SPTBN1: variants seen among roughly 807,000 people sequenced by gnomAD.
The protein encoded by SPTBN1 is spectrin beta, non-erythrocytic 1, also known as spectrin beta chain, non-erythrocytic 1.
SPTBN1 carries 32 observed loss-of-function variants against 266.4 expected under a neutral mutation model. The ratio of observed to expected loss-of-function variants is 0.12; its 90% CI spans 0.09 to 0.16. The LOEUF is 0.16. SPTBN1 is among the 10% of genes least tolerant of loss of function. SPTBN1 has a pLI of 1.00. For synonymous variants in SPTBN1, 1,336 were observed against 1,162.2 expected (o/e 1.15, Z -3.04); for missense variants, 2,296 against 3,067.1 (o/e 0.75, Z 5.94).
chr2:54,649,403 A>G lies in SPTBN1; in HGVS notation c.5203-212A>G, dbSNP rs1339816246. 6.6e-6 allele frequency among the ~76,000 whole-genome samples: 1 copy of G among 152,164 alleles called. No homozygotes were observed. The highest frequency in any genetic ancestry group is 2.4e-5 in the African/African-American group (1 of 41,432). Reference sequence around the variant, plus strand: ...CACCCCTTCCTCCGGTAGTAAAAGGAGGTGGAGGTAGTGCCTCACTCTGCT... The same window carrying G: ...CACCCCTTCCTCCGGTAGTAAAAGGGGGTGGAGGTAGTGCCTCACTCTGCT... On this transcript the variant is annotated intron_variant, in intron 25 of 35. Coordinates refer to ENST00000356805, the MANE Select transcript of SPTBN1 (RefSeq NM_003128.3). The surrounding 1 kb of genome is among the most constrained non-coding windows in gnomAD (Gnocchi z 6.7).
At chr2:54,642,793 C>T (rs911681179) in intron 18 of SPTBN1, among the ~76,000 whole-genome samples, 190 bp from the exon 19 acceptor site, 16 of 152,294 alleles carry the variant, frequency 1.1e-4, no homozygotes, top group African/African-American at 3.8e-4. Flanking sequence ...TGGAGCAGAG[C>T]TCAGGTACAA....
intron 18 of SPTBN1, among the ~76,000 whole-genome samples, chr2:54,638,359 G>T (rs1418103112): frequency 6.6e-6 from 1 of 152,200 alleles, no homozygotes; most frequent in East Asian, 1.9e-4. Context: ...ACTGAAACTG[G>T]CTACCAAGTA....
intron 2 of SPTBN1, among the ~76,000 whole-genome samples, chr2:54,563,324 C>T (rs779063733): frequency 6.6e-6 from 1 of 152,104 alleles, no homozygotes; most frequent in Admixed American, 6.5e-5. Context: ...TGCTTTGCAG[C>T]CAGATGCTGA....
chr2:54,591,602 C>T (rs1176014108), intron 2 of SPTBN1, among the ~76,000 whole-genome samples: 1 of 152,142 alleles, frequency 6.6e-6, no homozygotes, highest in Non-Finnish European at 1.5e-5. Flanking sequence ...TTTGACAGTT[C>T]CTGATTCTAT....
Position 54,612,202 on chromosome 2 carries a change from G to A in SPTBN1, c.342G>A (p.Glu114=). 1 of 1,613,182 alleles carries A rather than the reference G, an allele frequency of 6.2e-7. No homozygotes were observed. The highest frequency in any genetic ancestry group is 1.3e-5 in the African/African-American group (1 of 74,998). ...GACGAATGCGCATCCACTGCTTAGA[G>A]AATGTGGACAAGGCCCTTCAGTTCC... ...TKGRMRIHCL[E]NVDKALQFLK... Residue 114 remains glutamate, a synonymous_variant, in exon 4 of 36, where the codon GAG becomes GAA. Coordinates refer to ENST00000356805, the MANE Select transcript of SPTBN1 (RefSeq NM_003128.3).
chr2:54,541,894 T>C (rs1037323260), intron 2 of SPTBN1, among the ~76,000 whole-genome samples: 9 of 152,244 alleles, frequency 5.9e-5, no homozygotes, highest in Admixed American at 2.6e-4. Flanking sequence ...CAAAGTAGTG[T>C]TTACGTGTAC....
intron 27 of SPTBN1, among the ~76,000 whole-genome samples, chr2:54,654,186 A>G (rs1447407937): frequency 1.3e-5 from 2 of 152,172 alleles, no homozygotes; most frequent in Non-Finnish European, 2.9e-5. Flanking sequence ...CGTACCTTGG[A>G]CATGACTAAC....
intron 1 of SPTBN1, among the ~76,000 whole-genome samples, chr2:54,523,414 G>C (rs1670604514): frequency 6.6e-6 from 1 of 152,220 alleles, no homozygotes; most frequent in Non-Finnish European, 1.5e-5. Flanking sequence ...TGGCTCAGTG[G>C]TAAAGTGGAT....
At chr2:54,460,798 C>G (rs1286541600) in intron 1 of SPTBN1, among the ~76,000 whole-genome samples, 2 of 152,250 alleles carry the variant, frequency 1.3e-5, no homozygotes, top group East Asian at 3.9e-4. Context: ...GTCAGGAGTT[C>G]AAGACCAGCC....
chr2:54,514,036 G>A lies in SPTBN1; in HGVS notation c.-47-12336G>A, dbSNP rs377072224. Among the ~76,000 whole-genome samples the A allele has an allele frequency of 7.2e-5, 11 of 152,130 alleles. No homozygotes were observed. In the East Asian group the frequency reaches 1.9e-3, roughly 27 times the overall value. ...GAAGTACTTTAAAATTTTAATGTACGAGTAGTAAAGAAGGATAAATTTCTA... is the reference window on the plus strand; with the variant it reads ...GAAGTACTTTAAAATTTTAATGTACAAGTAGTAAAGAAGGATAAATTTCTA... On this transcript the variant is annotated intron_variant, in intron 1 of 35. Transcript: ENST00000356805.
rs915946944 is a variant in SPTBN1 at position 54,668,658 on chromosome 2, C to A, written c.*89C>A. 2.4e-6 allele frequency: 3 copies of A among 1,249,440 alleles called. No individual in the cohort carries two copies. The highest frequency in any genetic ancestry group is 1.5e-5 in the African/African-American group (1 of 64,526). The allele number at this position is 1,249,440 out of a possible 1,614,324, so 77.4% of individuals were successfully genotyped here. Reference sequence around the variant, plus strand: ...AGAACCAACACATTACTCTCTGTGCCTAATGTTCCTCAATGTGGTTGATTT... The same window carrying A: ...AGAACCAACACATTACTCTCTGTGCATAATGTTCCTCAATGTGGTTGATTT... On this transcript the variant is annotated 3_prime_UTR_variant, in exon 36 of 36. Coordinates refer to ENST00000356805, the MANE Select transcript of SPTBN1 (RefSeq NM_003128.3).
At chr2:54,459,089 A>G (rs2103776273) in intron 1 of SPTBN1, among the ~76,000 whole-genome samples, 1 of 152,322 alleles carries the variant, frequency 6.6e-6, no homozygotes, top group East Asian at 1.9e-4. Flanking sequence ...CTTTGTTGTA[A>G]GAAATATCCT....
At position 54,664,233 on chromosome 2, in the gene SPTBN1, C is replaced by A; in HGVS notation, c.6421-220C>A. The A allele has an allele frequency of 1.9e-6, 1 of 538,406 alleles. No individual in the cohort carries two copies. The allele number at this position is 538,406 out of a possible 1,614,324, so 33.4% of individuals were successfully genotyped here. On this transcript the variant is annotated intron_variant, in intron 32 of 35. Transcript: ENST00000356805. This position sits in a 1 kb window ranked among gnomAD's most constrained non-coding sequence, Gnocchi z 5.6. ...TGCAGTAAAACTCATACTGGCATTT[C>A]GCTTTTCTCATTTCCCTGTAAATGG...
chr2:54,459,583 A>C (rs1693251151), intron 1 of SPTBN1, among the ~76,000 whole-genome samples: 1 of 148,122 alleles, frequency 6.8e-6, no homozygotes, highest in Admixed American at 6.6e-5. Context: ...GCATATTCTT[A>C]TAGAACATTT....
chr2:54,574,745 A>C (rs1463450215), intron 2 of SPTBN1, among the ~76,000 whole-genome samples: 1 of 152,114 alleles, frequency 6.6e-6, no homozygotes, highest in African/African-American at 2.4e-5. Flanking sequence ...CCCTTCCACC[A>C]CTTTGCTCAT....
At position 54,616,202 on chromosome 2, in the gene SPTBN1, C is replaced by G; in HGVS notation, c.475-5C>G. On this transcript the variant is annotated splice_polypyrimidine_tract_variant and splice_region_variant and intron_variant, in intron 4 of 35. Coordinates refer to ENST00000356805, the MANE Select transcript of SPTBN1 (RefSeq NM_003128.3). ...ATTTGTCTAATATTTCTTTGTAAAT[C>G]TTAGATCCAGGATATCAGTGTGGAA... 1 of 1,612,384 alleles carries G rather than the reference C, an allele frequency of 6.2e-7. No individual in the cohort carries two copies. Among genetic ancestry groups the G allele is most frequent in the Non-Finnish European group, 8.5e-7 (1 of 1,178,786 alleles).
chr2:54,631,731 A>G, intron 16 of SPTBN1, 120 bp downstream of exon 16: 2 of 1,312,276 alleles, frequency 1.5e-6, no homozygotes, highest in Non-Finnish European at 2.1e-6. Context: ...TGGATAATTT[A>G]GAGACTGATT....
At chr2:54,624,688 C>T in intron 10 of SPTBN1, 116 bp from the exon 11 acceptor site, 2 of 1,450,282 alleles carry the variant, frequency 1.4e-6, no homozygotes, top group South Asian at 1.3e-5. Flanking sequence ...ATGGGATTTC[C>T]CATTCAAGCT....
In SPTBN1 at chr2:54,657,596, C is replaced by G. The variant is rs117939561; in HGVS notation, c.6047-254C>G. The stretch of plus-strand genomic sequence containing the variant: ...GATTACATGTTGTAATAATTTTATA[C>G]ATATTATGTGAAATACACTATTAAA... On this transcript the variant is annotated intron_variant, in intron 29 of 35. Coordinates refer to ENST00000356805, the MANE Select transcript of SPTBN1 (RefSeq NM_003128.3). 6.6e-4 allele frequency among the ~76,000 whole-genome samples: 100 copies of G among 152,328 alleles called. 3 individuals carry two copies. The East Asian group carries it at 0.018, about 27-fold the overall frequency.
Sources: allele counts gnomAD v4.1 joint callset (sites outside exome capture counted in the v4.1 genomes callset), GRCh38; gene constraint gnomAD v4.1.1; non-coding constraint Gnocchi (gnomAD v3.1); transcripts MANE v1.5; gene names NCBI Gene and HGNC (gene_info 2026-07-23, HGNC 2026-07-21).